Variants in GNG7 observed in about 807,000 individuals in gnomAD.
The protein encoded by GNG7 is G protein subunit gamma 7, also known as guanine nucleotide-binding protein G(I)/G(S)/G(O) subunit gamma-7.
GNG7 carries 1 observed loss-of-function variant against 4.0 expected under a neutral mutation model. The ratio of observed to expected loss-of-function variants is 0.25; its 90% CI spans 0.09 to 1.18. The LOEUF is 1.18. GNG7 is among the 50% of genes most tolerant of loss of function. The pLI is 0.50. For missense variants in GNG7, 86 were observed against 91.9 expected, an observed-to-expected ratio of 0.94 and a Z score of 0.26; for synonymous variants, 34 against 36.9, an observed-to-expected ratio of 0.92 and a Z score of 0.29.
At chr19:2,586,828 T>A (rs1305172892) in intron 2 of GNG7, among the ~76,000 whole-genome samples, 1 of 151,308 alleles carries the variant, frequency 6.6e-6, no homozygotes, top group Non-Finnish European at 1.5e-5. Flanking sequence ...CTACTAAAAA[T>A]ACAAAAATTA....
intron 1 of GNG7, among the ~76,000 whole-genome samples, chr19:2,680,341 G>A (rs1983700944): frequency 6.6e-6 from 1 of 151,686 alleles, no homozygotes; most frequent in South Asian, 2.1e-4. Context: ...GTAGAGATGT[G>A]GTTTCACCAT....
intron 1 of GNG7, among the ~76,000 whole-genome samples, chr19:2,701,599 C>T (rs1913402225): frequency 6.6e-6 from 1 of 150,964 alleles, no homozygotes; most frequent in African/African-American, 2.4e-5. Flanking sequence ...CAATCACACC[C>T]CCCCATCTTC....
At chr19:2,658,274 T>C (rs1163108662) in intron 1 of GNG7, among the ~76,000 whole-genome samples, 2 of 152,106 alleles carry the variant, frequency 1.3e-5, no homozygotes, top group East Asian at 3.8e-4. Context: ...TCTGCAAATT[T>C]TTTCTGCAAA....
At chr19:2,515,251 A>C in intron 4 of GNG7, 104 bp from the exon 5 acceptor site, 394 of 1,446,284 alleles carry the variant, frequency 2.7e-4, no homozygotes, top group Non-Finnish European at 3.4e-4. Flanking sequence ...GAAACAGCTC[A>C]GGAGCCCATT....
intron 2 of GNG7, among the ~76,000 whole-genome samples, chr19:2,587,078 G>A (rs140195269): frequency 1.3e-5 from 2 of 151,482 alleles, no homozygotes; most frequent in Admixed American, 6.6e-5. Context: ...CACCACATCC[G>A]GCTAATTTTT....
At chr19:2,625,728 A>G (rs1982003908) in intron 2 of GNG7, among the ~76,000 whole-genome samples, 1 of 152,108 alleles carries the variant, frequency 6.6e-6, no homozygotes, top group South Asian at 2.1e-4. Context: ...TAGCGCCCTC[A>G]CCGTGCTGGG....
At chr19:2,693,282 G>C (rs1196409298) in intron 1 of GNG7, among the ~76,000 whole-genome samples, 1 of 151,554 alleles carries the variant, frequency 6.6e-6, no homozygotes, top group African/African-American at 2.4e-5. Flanking sequence ...TGGGCATAGT[G>C]ATCTCTGCCT....
intron 1 of GNG7, among the ~76,000 whole-genome samples, chr19:2,679,431 CA>C (rs779826245): frequency 3.3e-5 from 5 of 152,140 alleles, no homozygotes; most frequent in Non-Finnish European, 5.9e-5. Context: ...GACCACCACC[CA>C]TCCAGGTCAC....
chr19:2,616,888 G>A (rs1351556401), intron 2 of GNG7, among the ~76,000 whole-genome samples: 2 of 152,126 alleles, frequency 1.3e-5, no homozygotes, highest in African/African-American at 4.8e-5. Flanking sequence ...GGTTCTGCCC[G>A]CCTCTTCCTC....
At chr19:2,542,483 C>A (rs1008132764) in intron 3 of GNG7, among the ~76,000 whole-genome samples, 1 of 152,058 alleles carries the variant, frequency 6.6e-6, no homozygotes. Context: ...AGGGGGACTG[C>A]GCCCTACGAC....
intron 2 of GNG7, chr19:2,642,460 G>A: frequency 3.0e-6 from 1 of 330,212 alleles, no homozygotes; most frequent in Non-Finnish European, 5.9e-6. Context: ...CGACCTCCGG[G>A]GCTCAAGCGA....
intron 2 of GNG7, among the ~76,000 whole-genome samples, chr19:2,577,619 T>C (rs1354925183): frequency 2.6e-5 from 4 of 151,398 alleles, no homozygotes; most frequent in Non-Finnish European, 4.4e-5. Flanking sequence ...GAAAATTGCT[T>C]TAAGCCAGGA....
chr19:2,588,258 A>G (rs1302074627), intron 2 of GNG7, among the ~76,000 whole-genome samples: 1 of 152,114 alleles, frequency 6.6e-6, no homozygotes, highest in African/African-American at 2.4e-5. Context: ...ACTGGTGACA[A>G]TGTTGTTTGT....
intron 2 of GNG7, among the ~76,000 whole-genome samples, chr19:2,601,593 G>A (rs1251232750): frequency 2.6e-5 from 4 of 152,072 alleles, no homozygotes; most frequent in African/African-American, 4.8e-5. Context: ...GCAATCCCCC[G>A]ATGTCAGATT....
intron 1 of GNG7, among the ~76,000 whole-genome samples, chr19:2,695,686 C>A (rs1288239446): frequency 6.6e-6 from 1 of 151,892 alleles, no homozygotes; most frequent in Non-Finnish European, 1.5e-5. Context: ...GGGGTGCCAT[C>A]ATGTGGGTGC....
chr19:2,674,497 G>A (rs992167471), intron 1 of GNG7, among the ~76,000 whole-genome samples: 2 of 152,020 alleles, frequency 1.3e-5, no homozygotes, highest in African/African-American at 2.4e-5. Flanking sequence ...GTGCAGTGGT[G>A]CAATCTCAGC....
chr19:2,659,743 G>T (rs1983099014), intron 1 of GNG7, among the ~76,000 whole-genome samples: 1 of 144,104 alleles, frequency 6.9e-6, no homozygotes, highest in Non-Finnish European at 1.5e-5. Flanking sequence ...TGTGAGCGAG[G>T]GAGGGATGGA....
intron 4 of GNG7, among the ~76,000 whole-genome samples, chr19:2,516,240 A>G (rs1276132323): frequency 2.0e-5 from 3 of 152,008 alleles, no homozygotes; most frequent in Non-Finnish European, 2.9e-5. Flanking sequence ...AAACAAATAA[A>G]TAAATTTATG....
chr19:2,639,932 A>G, intron 2 of GNG7, among the ~76,000 whole-genome samples: 2 of 66,932 alleles, frequency 3.0e-5, no homozygotes, highest in Non-Finnish European at 5.9e-5. Flanking sequence ...GAGTGAAGGA[A>G]GAAAGGAAGG....
Sources: allele counts gnomAD v4.1 joint callset (sites outside exome capture counted in the v4.1 genomes callset), GRCh38; gene constraint gnomAD v4.1.1; transcripts MANE v1.5; gene names NCBI Gene and HGNC (gene_info 2026-07-23, HGNC 2026-07-21).